The following CSMD2 variants were observed in gnomAD, a reference collection of about 807,000 sequenced individuals.
The protein encoded by CSMD2 is CUB and Sushi multiple domains 2, also known as CUB and sushi domain-containing protein 2.
A neutral mutation model predicts 398.5 loss-of-function variants in CSMD2; 130 were observed. The ratio of observed to expected loss-of-function variants is 0.33; its 90% CI spans 0.28 to 0.38. CSMD2 has a LOEUF of 0.38. Ranked by LOEUF, CSMD2 falls within the 10% of genes least tolerant of loss-of-function variation. CSMD2 has a pLI of 1.00. For synonymous variants in CSMD2, 1,828 were observed against 1,908.5 expected (o/e 0.96, Z 1.10); for missense variants, 3,829 against 4,764.9 (o/e 0.80, Z 5.78).
intron 3 of CSMD2, among the ~76,000 whole-genome samples, chr1:33,957,001 G>A (rs955608838): frequency 6.6e-6 from 1 of 151,446 alleles, no homozygotes; most frequent in African/African-American, 2.4e-5. Flanking sequence ...CAACTTTCTG[G>A]TCCTCAGGCT....
intron 2 of CSMD2, among the ~76,000 whole-genome samples, chr1:34,051,427 G>A (rs1653159086): frequency 6.6e-6 from 1 of 152,058 alleles, no homozygotes; most frequent in African/African-American, 2.4e-5. Context: ...ATGAGTGTTT[G>A]CATGTGTATA....
intron 13 of CSMD2, among the ~76,000 whole-genome samples, chr1:33,759,264 G>C (rs473853): frequency 0.31 from 46,526 of 150,806 alleles, 8,244 homozygotes; most frequent in African/African-American, 0.48. Flanking sequence ...CATGGGATGA[G>C]GGGGAGAGAG....
chr1:33,562,243 A>C (rs545927968), intron 53 of CSMD2, among the ~76,000 whole-genome samples: 37 of 152,312 alleles, frequency 2.4e-4, no homozygotes, highest in African/African-American at 8.7e-4. Flanking sequence ...ACTGCTTCCC[A>C]CATATTCCCA....
At chr1:33,721,776 C>T (rs1190286682) in intron 19 of CSMD2, among the ~76,000 whole-genome samples, 2 of 152,166 alleles carry the variant, frequency 1.3e-5, no homozygotes, top group Non-Finnish European at 2.9e-5. Context: ...TGTGGTGGGA[C>T]TATAAATGAC....
At chr1:33,759,871 A>T (rs1649589586) in intron 13 of CSMD2, among the ~76,000 whole-genome samples, 1 of 152,188 alleles carries the variant, frequency 6.6e-6, no homozygotes, top group Non-Finnish European at 1.5e-5. Context: ...GTAAACTGGG[A>T]TTGTCCCAAG....
chr1:34,117,364 T>C lies in CSMD2; in HGVS notation c.188-28171A>G, dbSNP rs149317654. On this transcript the variant is annotated intron_variant, in intron 1 of 70. Coordinates refer to ENST00000373381, the MANE Select transcript of CSMD2 (RefSeq NM_001281956.2). The stretch of plus-strand genomic sequence containing the variant: ...AACAAATTGGATAACCTAGAAGAAA[T>C]TGATACATTTCTAGAAACATATAAC... Among the ~76,000 whole-genome samples, 926 of 152,014 alleles carry C rather than the reference T, an allele frequency of 6.1e-3. 15 individuals carry two copies. Among genetic ancestry groups the C allele is most frequent in the African/African-American group, 0.021 (873 of 41,482 alleles).
intron 6 of CSMD2, among the ~76,000 whole-genome samples, chr1:33,837,149 G>A (rs1660378285): frequency 6.6e-6 from 1 of 152,094 alleles, no homozygotes; most frequent in Admixed American, 6.5e-5. Context: ...GGGGTGATGA[G>A]TGATCATGGA....
chr1:33,825,541 C>T (rs899354507), intron 7 of CSMD2, among the ~76,000 whole-genome samples, 156 bp downstream of exon 7: 2 of 152,224 alleles, frequency 1.3e-5, no homozygotes, highest in African/African-American at 4.8e-5. Flanking sequence ...GCTCTCTGGC[C>T]GTTGGGTCAG....
At position 33,739,313 on chromosome 1, in the gene CSMD2, G is replaced by T. The variant is rs1646982391; in HGVS notation, c.2195C>A (p.Pro732Gln). 2 of 1,613,504 alleles carry T rather than the reference G, an allele frequency of 1.2e-6. No individual in the cohort carries two copies. Among genetic ancestry groups the T allele is most frequent in the Non-Finnish European group, 1.7e-6 (2 of 1,179,654 alleles). Residue 732 changes from proline to glutamine, a missense_variant, in exon 15 of 71, where the codon CCG (proline) becomes CAG (glutamine). Transcript: ENST00000373381. The part of the protein sequence containing the change: ...TFTTFRHNEC[P>Q]DPGVPVNGKR... Reference sequence around the variant, plus strand: ...GCCATTTACTGGAACGCCAGGATCCGGGCACTCGTTGTGTCGGAAGGCTGT... The same window carrying T: ...GCCATTTACTGGAACGCCAGGATCCTGGCACTCGTTGTGTCGGAAGGCTGT...
intron 3 of CSMD2, among the ~76,000 whole-genome samples, chr1:33,994,334 G>A (rs1364150286): frequency 1.3e-5 from 2 of 152,024 alleles, no homozygotes; most frequent in East Asian, 3.9e-4. Context: ...TCATTGAGCT[G>A]GGAAGGCCTG....
intron 1 of CSMD2, among the ~76,000 whole-genome samples, chr1:34,135,633 A>G (rs1638664704): frequency 6.6e-6 from 1 of 150,956 alleles, no homozygotes; most frequent in Admixed American, 6.6e-5. Context: ...AAAAAAAAAA[A>G]AAAAAAAAAA....
chr1:33,847,983 G>A (rs1638403514), intron 5 of CSMD2, among the ~76,000 whole-genome samples: 1 of 152,208 alleles, frequency 6.6e-6, no homozygotes. Flanking sequence ...TGGACACAAA[G>A]TAGGCATTTC....
chr1:33,795,829 A>C (rs1485476418), intron 10 of CSMD2, among the ~76,000 whole-genome samples: 1 of 152,246 alleles, frequency 6.6e-6, no homozygotes, highest in Non-Finnish European at 1.5e-5. Context: ...CCAGGGGCTG[A>C]AAAAATGTAG....
rs114903566 is a variant in CSMD2, at chr1:33,661,141, C to T, written c.4255+1749G>A. Among the ~76,000 whole-genome samples, 952 of 152,264 alleles carry T rather than the reference C, an allele frequency of 6.3e-3. 13 individuals carry two copies. Among genetic ancestry groups the T allele is most frequent in the African/African-American group, 0.022 (910 of 41,536 alleles). On this transcript the variant is annotated intron_variant, in intron 26 of 70. Transcript: ENST00000373381. ...CGCGTGGCTACACTGAGTATGCAGTCGAGGTCAGATAATGCAAATCTGTGG... is the reference window on the plus strand; with the variant it reads ...CGCGTGGCTACACTGAGTATGCAGTTGAGGTCAGATAATGCAAATCTGTGG...
chr1:33,750,026 C>A (rs1462779443), intron 13 of CSMD2, among the ~76,000 whole-genome samples: 1 of 152,074 alleles, frequency 6.6e-6, no homozygotes, highest in African/African-American at 2.4e-5. Context: ...GCTAGAAAAT[C>A]AAATTCAGCC....
At chr1:34,107,967 A>C (rs1266327964) in intron 1 of CSMD2, among the ~76,000 whole-genome samples, 2 of 152,252 alleles carry the variant, frequency 1.3e-5, no homozygotes, top group Non-Finnish European at 1.5e-5. Context: ...CACCATGAGA[A>C]TCTCATGAGG....
intron 25 of CSMD2, among the ~76,000 whole-genome samples, chr1:33,684,511 T>A (rs771308075): frequency 6.6e-6 from 1 of 152,102 alleles, no homozygotes; most frequent in Non-Finnish European, 1.5e-5. Context: ...CCGAACCACA[T>A]TTGCGCATAA....
chr1:33,830,628 T>C lies in CSMD2; in HGVS notation c.1034-4854A>G, dbSNP rs186873082. Reference sequence around the variant, plus strand: ...CCTCTCCTCCTCCAAAGGAACGCAGTTCCTCACCAGCAACGGAACAAAGCT... The same window carrying C: ...CCTCTCCTCCTCCAAAGGAACGCAGCTCCTCACCAGCAACGGAACAAAGCT... On this transcript the variant is annotated intron_variant, in intron 6 of 70. Transcript: ENST00000373381. 9.4e-3 allele frequency among the ~76,000 whole-genome samples: 1,434 copies of C among 152,292 alleles called. 75 individuals carry two copies. Among genetic ancestry groups the C allele is most frequent in the Admixed American group, 0.077 (1,173 of 15,284 alleles).
At chr1:34,015,902 A>G (rs529594326) in intron 3 of CSMD2, among the ~76,000 whole-genome samples, 6 of 152,262 alleles carry the variant, frequency 3.9e-5, no homozygotes, top group Admixed American at 3.3e-4. Context: ...ATGTGGGTGC[A>G]TGCACCTGGG....
Sources: gnomAD v4.1 joint callset for allele counts (sites outside exome capture counted in the v4.1 genomes callset) on GRCh38, gnomAD v4.1.1 for gene constraint, MANE v1.5 for transcripts, NCBI Gene and HGNC (gene_info 2026-07-23, HGNC 2026-07-21) for gene names.